The following ART3 variants were observed in gnomAD, a reference collection of about 807,000 sequenced individuals.
ART3 encodes ADP-ribosyltransferase 3 (inactive), also known as ecto-ADP-ribosyltransferase 3.
A neutral mutation model predicts 48.5 loss-of-function variants in ART3; 49 were observed. The ratio of observed to expected loss-of-function variants is 1.01; its 90% CI spans 0.80 to 1.28. The LOEUF (loss-of-function observed/expected upper bound fraction) is 1.28, where lower values mean the gene tolerates loss of function less well. ART3 is among the 50% of genes most tolerant of loss of function. The pLI, the probability that ART3 is intolerant of heterozygous loss-of-function variation, is 0.00. For missense variants in ART3, 438 were observed against 454.3 expected (o/e 0.96, Z 0.33); for synonymous variants, 145 against 157.2 (o/e 0.92, Z 0.58).
At chr4:76,040,527 C>G (rs1382984247) in intron 1 of ART3, among the ~76,000 whole-genome samples, 1 of 88,044 alleles carries the variant, frequency 1.1e-5, no homozygotes, top group African/African-American at 5.2e-5. Context: ...TTCTCCCCCC[C>G]GCCCCCTCCA....
intron 1 of ART3, chr4:76,022,785 AG>A: frequency 6.2e-7 from 1 of 1,612,436 alleles, no homozygotes; most frequent in Non-Finnish European, 8.5e-7. Flanking sequence ...ATGCTGATGC[AG>A]GTACAGCGTA....
rs527838946 is a variant in ART3 at position 76,112,606 on chromosome 4, C to A, written c.*87C>A. ...ATCAAAAGGAATGATGTATTTTTTACGTGTTGGCCAAAGTCACTGGATAAA... is the reference window on the plus strand; with the variant it reads ...ATCAAAAGGAATGATGTATTTTTTAAGTGTTGGCCAAAGTCACTGGATAAA... On this transcript the variant is annotated 3_prime_UTR_variant, in exon 12 of 12. Transcript: ENST00000355810. 7 of 1,392,420 alleles carry A rather than the reference C, an allele frequency of 5.0e-6. No homozygotes were observed. The highest frequency in any genetic ancestry group is 6.7e-6 in the Non-Finnish European group (7 of 1,043,690). 86.3% of individuals were successfully genotyped at this position (1,392,420 alleles called of 1,614,324 possible).
chr4:76,026,111 C>T (rs1485776565), intron 1 of ART3, among the ~76,000 whole-genome samples: 2 of 151,752 alleles, frequency 1.3e-5, no homozygotes, highest in African/African-American at 4.9e-5. Context: ...ACAATCCAGT[C>T]AGTGGCCCAT....
At chr4:76,099,229 G>T in intron 5 of ART3, 1 of 459,630 alleles carries the variant, frequency 2.2e-6, no homozygotes, top group Non-Finnish European at 4.0e-6. Flanking sequence ...TTGAGTCTGG[G>T]AGGCAGAGGT....
chr4:76,041,945 C>T (rs1345014312), intron 1 of ART3, among the ~76,000 whole-genome samples: 1 of 152,164 alleles, frequency 6.6e-6, no homozygotes, highest in Non-Finnish European at 1.5e-5. Flanking sequence ...CAAAAAAGAT[C>T]AGATACATTC....
rs557070676 is a variant in ART3, at chr4:76,092,416, C to CT, written c.782-5220dup. ...ACTGGGTATAGAATTCTAGATTGATCTTTTTTTTGTCTTTTAGTAGTTTAC... is the reference window on the plus strand; with the variant it reads ...ACTGGGTATAGAATTCTAGATTGATCTTTTTTTTTGTCTTTTAGTAGTTTAC... On this transcript the variant is annotated intron_variant, in intron 3 of 11. Coordinates refer to ENST00000355810, the MANE Select transcript of ART3 (RefSeq NM_001130016.3). Among the ~76,000 whole-genome samples, 8 of 152,020 alleles carry CT rather than the reference C, an allele frequency of 5.3e-5. No homozygotes were observed. In the South Asian group the frequency reaches 1.0e-3, roughly 20 times the overall value.
rs1038558081 is a variant in ART3 at position 76,025,086 on chromosome 4, C to T, written c.-10+13766C>T. ...GTCAGTGGAATTAGCTGTGGGAAAC[C>T]GGAAAGGCAAAAGAGAGGGAGGTGA... On this transcript the variant is annotated intron_variant, in intron 1 of 9. Transcript: ENST00000341029. Among the ~76,000 whole-genome samples, 3 of 152,142 alleles carry T rather than the reference C, an allele frequency of 2.0e-5. No individual in the cohort carries two copies. The East Asian group carries it at 5.8e-4, about 29-fold the overall frequency.
chr4:76,014,051 T>G (rs1168941718), intron 1 of ART3, among the ~76,000 whole-genome samples: 5 of 152,176 alleles, frequency 3.3e-5, no homozygotes, highest in African/African-American at 1.2e-4. Context: ...TTAAATTAAT[T>G]TCCTTCATAA....
intron 1 of ART3, among the ~76,000 whole-genome samples, chr4:76,066,400 G>A (rs537747355): frequency 1.3e-5 from 2 of 152,096 alleles, no homozygotes; most frequent in African/African-American, 2.4e-5. Flanking sequence ...CAGGCAGGTC[G>A]TCTGTCAAGT....
At chr4:76,082,664 A>G in intron 3 of ART3, 129 bp downstream of exon 3, 1 of 682,808 alleles carries the variant, frequency 1.5e-6, no homozygotes, top group Non-Finnish European at 2.3e-6. Context: ...AGCTTCTTTC[A>G]TACTATCTCT....
intron 1 of ART3, among the ~76,000 whole-genome samples, chr4:76,040,533 C>G (rs1734876610): frequency 8.9e-6 from 1 of 112,522 alleles, no homozygotes. Context: ...CCCCCGCCCC[C>G]TCCATGTGTC....
chr4:76,071,383 AT>A (rs1192489063), upstream of ART3, among the ~76,000 whole-genome samples: 5 of 150,098 alleles, frequency 3.3e-5, no homozygotes, highest in African/African-American at 1.2e-4. Context: ...AAAAAAAAAA[AT>A]TCTTGGACTC....
At chr4:76,044,893 A>G (rs1339085390) in intron 1 of ART3, among the ~76,000 whole-genome samples, 1 of 152,104 alleles carries the variant, frequency 6.6e-6, no homozygotes, top group Non-Finnish European at 1.5e-5. Flanking sequence ...CAATAACTCC[A>G]TAACTTCCCT....
intron 1 of ART3, among the ~76,000 whole-genome samples, chr4:76,015,102 A>G (rs1241607709): frequency 6.6e-6 from 1 of 152,260 alleles, no homozygotes; most frequent in East Asian, 1.9e-4. Flanking sequence ...TCCAAGCCAT[A>G]TAAAGGAATA....
intron 1 of ART3, among the ~76,000 whole-genome samples, chr4:76,062,559 CT>C (rs34383642): frequency 0.025 from 2,841 of 112,978 alleles, 69 homozygotes; most frequent in African/African-American, 0.088. Context: ...AAAAATAAAT[CT>C]TTTTTTTTTT....
At chr4:76,110,777 C>A (rs4515186) in intron 11 of ART3, among the ~76,000 whole-genome samples, 25,897 of 151,808 alleles carry the variant, frequency 0.17, 2,376 homozygotes, top group East Asian at 0.37. Flanking sequence ...TATTGGAAAT[C>A]TTTTTGGATA....
intron 1 of ART3, among the ~76,000 whole-genome samples, chr4:76,053,438 G>A (rs1053262632): frequency 1.3e-5 from 2 of 151,272 alleles, no homozygotes; most frequent in African/African-American, 4.9e-5. Flanking sequence ...GCTATTATTT[G>A]TCTCTTTTTT....
chr4:76,030,558 C>A (rs1399212783), intron 1 of ART3, among the ~76,000 whole-genome samples: 1 of 152,202 alleles, frequency 6.6e-6, no homozygotes, highest in East Asian at 1.9e-4. Context: ...TTTCACAGTG[C>A]TGTGAAGCCA....
chr4:76,045,231 A>G (rs891332930), intron 1 of ART3, among the ~76,000 whole-genome samples: 1 of 152,032 alleles, frequency 6.6e-6, no homozygotes, highest in African/African-American at 2.4e-5. Flanking sequence ...CTCGGGCGGC[A>G]TAAGTCTGGA....
Sources: allele counts gnomAD v4.1 joint callset (sites outside exome capture counted in the v4.1 genomes callset), GRCh38; gene constraint gnomAD v4.1.1; transcripts MANE v1.5; gene names NCBI Gene and HGNC (gene_info 2026-07-23, HGNC 2026-07-21).